The following NRXN3 variants were observed in gnomAD, a reference collection of about 807,000 sequenced individuals.
The protein encoded by NRXN3 is neurexin 3, also known as neurexin III.
A neutral mutation model predicts 137.6 loss-of-function variants in NRXN3; 32 were observed. That is an observed-to-expected ratio of 0.23 (90% CI 0.18 to 0.31). The LOEUF is 0.31. Ranked by LOEUF, NRXN3 falls within the 10% of genes least tolerant of loss-of-function variation. The probability of loss-of-function intolerance (pLI) is 1.00; values close to 1 mark genes in which losing one functional copy is unlikely to be tolerated. For missense variants in NRXN3, 1,574 were observed against 2,062.5 expected, an observed-to-expected ratio of 0.76 and a Z score of 4.59; for synonymous variants, 798 against 784.5, an observed-to-expected ratio of 1.02 and a Z score of -0.29.
At chr14:79,160,464 C>T (rs1182285714) in intron 15 of NRXN3, among the ~76,000 whole-genome samples, 1 of 151,928 alleles carries the variant, frequency 6.6e-6, no homozygotes, top group Non-Finnish European at 1.5e-5. Context: ...GCTTGCAGAG[C>T]ACACTGAACT....
intron 4 of NRXN3, among the ~76,000 whole-genome samples, chr14:78,505,126 G>T (rs975948293): frequency 1.1e-4 from 16 of 152,070 alleles, no homozygotes; most frequent in African/African-American, 3.9e-4. Context: ...AATCCAGGGA[G>T]AATGATGCAT....
intron 15 of NRXN3, among the ~76,000 whole-genome samples, chr14:79,317,590 C>A (rs537287930): frequency 1.3e-5 from 2 of 152,184 alleles, no homozygotes; most frequent in South Asian, 2.1e-4. Flanking sequence ...TTCATCATAT[C>A]TTTTGGGAGA....
intron 10 of NRXN3, among the ~76,000 whole-genome samples, chr14:78,848,128 G>A (rs1364850746): frequency 5.3e-5 from 8 of 152,124 alleles, no homozygotes; most frequent in African/African-American, 1.7e-4. Flanking sequence ...TGAACATGGT[G>A]GGGCAGATGT....
chr14:79,228,417 G>A (rs1292441679), intron 15 of NRXN3, among the ~76,000 whole-genome samples: 1 of 152,114 alleles, frequency 6.6e-6, no homozygotes, highest in Admixed American at 6.6e-5. Flanking sequence ...AAGTGCATTA[G>A]GTTTAGATGT....
chr14:78,375,599 A>G (rs934180033), intron 4 of NRXN3, among the ~76,000 whole-genome samples: 2 of 152,190 alleles, frequency 1.3e-5, no homozygotes, highest in African/African-American at 4.8e-5. Context: ...GCTCTAAGGG[A>G]TAGGCAATAA....
At chr14:78,269,685 A>G (rs1267195513) in intron 2 of NRXN3, among the ~76,000 whole-genome samples, 1 of 152,192 alleles carries the variant, frequency 6.6e-6, no homozygotes, top group Non-Finnish European at 1.5e-5. Flanking sequence ...TTTCTTTCCC[A>G]CACCCCGTAT....
intron 15 of NRXN3, among the ~76,000 whole-genome samples, chr14:79,130,717 C>T (rs1298137123): frequency 6.6e-6 from 1 of 152,114 alleles, no homozygotes; most frequent in African/African-American, 2.4e-5. Flanking sequence ...TGAATCTGAA[C>T]GTTGGGCTGC....
chr14:78,939,248 T>A (rs1458779414), intron 10 of NRXN3, among the ~76,000 whole-genome samples: 1 of 152,080 alleles, frequency 6.6e-6, no homozygotes, highest in African/African-American at 2.4e-5. Context: ...GCCCCAGAGG[T>A]CATGGAACAA....
At chr14:78,323,000 T>A (rs185873874) in intron 4 of NRXN3, among the ~76,000 whole-genome samples, 50 of 145,010 alleles carry the variant, frequency 3.4e-4, no homozygotes, top group African/African-American at 1.2e-3. Context: ...ACCTTATTTC[T>A]TACTCCTTAT....
chr14:78,943,600 A>C (rs1270197080), intron 10 of NRXN3, among the ~76,000 whole-genome samples: 1 of 112,946 alleles, frequency 8.9e-6, no homozygotes, highest in South Asian at 3.3e-4. Context: ...AAAAGAAGCA[A>C]GATCACTGTT....
At chr14:79,717,585 T>A (rs2098827899) in intron 19 of NRXN3, among the ~76,000 whole-genome samples, 1 of 152,224 alleles carries the variant, frequency 6.6e-6, no homozygotes, top group Non-Finnish European at 1.5e-5. Context: ...TCTGAATATA[T>A]GAAATGTTTG....
At chr14:78,681,724 T>C (rs900872825) in intron 6 of NRXN3, among the ~76,000 whole-genome samples, 1 of 152,046 alleles carries the variant, frequency 6.6e-6, no homozygotes, top group East Asian at 1.9e-4. Context: ...GAAAAGTGGG[T>C]CTCCTTTTTA....
intron 19 of NRXN3, among the ~76,000 whole-genome samples, chr14:79,707,272 A>C (rs921649136): frequency 5.9e-5 from 9 of 152,242 alleles, no homozygotes; most frequent in Non-Finnish European, 1.2e-4. Context: ...AAAGTAAGTT[A>C]AGCAAATGCT....
intron 15 of NRXN3, among the ~76,000 whole-genome samples, chr14:79,335,208 A>G (rs1208830374): frequency 1.3e-5 from 2 of 152,074 alleles, no homozygotes; most frequent in African/African-American, 4.8e-5. Flanking sequence ...GTTACAGTAT[A>G]AAGATTTTTT....
chr14:78,371,697 T>C (rs1422865100), intron 4 of NRXN3, among the ~76,000 whole-genome samples: 1 of 152,176 alleles, frequency 6.6e-6, no homozygotes. Flanking sequence ...CCATGTGGGG[T>C]TGAATCCAGA....
intron 15 of NRXN3, among the ~76,000 whole-genome samples, chr14:79,181,367 A>G (rs999539145): frequency 6.6e-6 from 1 of 152,098 alleles, no homozygotes; most frequent in Non-Finnish European, 1.5e-5. Context: ...TATAAAATAT[A>G]GGATCTCCCC....
chr14:78,631,289 G>A (rs542721628), intron 4 of NRXN3, among the ~76,000 whole-genome samples: 6 of 152,296 alleles, frequency 3.9e-5, no homozygotes, highest in Admixed American at 6.5e-5. Flanking sequence ...CAAGGTTTTT[G>A]TGTATTCTAA....
intron 10 of NRXN3, among the ~76,000 whole-genome samples, chr14:78,881,992 C>G (rs2099130351): frequency 6.6e-6 from 1 of 151,674 alleles, no homozygotes; most frequent in South Asian, 2.1e-4. Flanking sequence ...CCCAGCTGCT[C>G]CAGCCATGGC....
intron 15 of NRXN3, among the ~76,000 whole-genome samples, chr14:79,181,194 T>C (rs906953359): frequency 3.3e-5 from 5 of 152,118 alleles, no homozygotes; most frequent in Non-Finnish European, 5.9e-5. Flanking sequence ...GATTCCACTT[T>C]GACCTTTTGA....
Sources: allele counts gnomAD v4.1 joint callset (sites outside exome capture counted in the v4.1 genomes callset), GRCh38; gene constraint gnomAD v4.1.1; transcripts MANE v1.5; gene names NCBI Gene and HGNC (gene_info 2026-07-23, HGNC 2026-07-21).